Variants in AP3S2 observed in about 807,000 individuals in gnomAD.
AP3S2 encodes adaptor related protein complex 3 subunit sigma 2, also known as AP-3 complex subunit sigma-2.
In AP3S2, 22 loss-of-function variants were observed where a neutral mutation model predicts 23.4. That is an observed-to-expected ratio of 0.94 (90% CI 0.67 to 1.34). AP3S2 has a LOEUF of 1.34. AP3S2 is among the 40% of genes most tolerant of loss of function. AP3S2 has a pLI of 0.00. For missense variants in AP3S2, 241 were observed against 236.9 expected, an observed-to-expected ratio of 1.02 and a Z score of -0.11; for synonymous variants, 86 against 87.1, an observed-to-expected ratio of 0.99 and a Z score of 0.07.
intron 3 of AP3S2, among the ~76,000 whole-genome samples, chr15:89,875,683 T>G (rs1238899974): frequency 6.6e-6 from 1 of 152,228 alleles, no homozygotes; most frequent in African/African-American, 2.4e-5. Context: ...GCGCAGTGAC[T>G]CACGTCTGTA....
In AP3S2 at chr15:89,833,260, A is replaced by C. The variant is rs1895119109; in HGVS notation, c.*2255T>G. 6.6e-6 allele frequency: 1 copy of C among 152,360 alleles called. No individual in the cohort carries two copies. Among genetic ancestry groups the C allele is most frequent in the South Asian group, 2.1e-4 (1 of 4,828 alleles). 9.4% of individuals were successfully genotyped at this position (152,360 alleles called of 1,614,324 possible). A position where few individuals can be genotyped will look rare whatever the true frequency, so the allele number is the denominator to read the frequency against. On this transcript the variant is annotated 3_prime_UTR_variant, in exon 6 of 6. Coordinates refer to ENST00000336418, the MANE Select transcript of AP3S2 (RefSeq NM_005829.5). ...GGCTCTTATACTCTATGACATGATC[A>C]CTGGCCACCTTAGAAAATCAAGCCT...
intron 4 of AP3S2, among the ~76,000 whole-genome samples, chr15:89,847,467 T>C (rs1596191583): frequency 6.6e-6 from 1 of 151,886 alleles, no homozygotes. Context: ...AATAAAAGTG[T>C]TTCTTCAAGG....
chr15:89,847,922 GAACA>G (rs1329028491), intron 4 of AP3S2, among the ~76,000 whole-genome samples: 1 of 152,188 alleles, frequency 6.6e-6, no homozygotes, highest in Non-Finnish European at 1.5e-5. Context: ...CACCTAATAT[GAACA>G]ATACTGTTTC....
rs565242834 is a variant in AP3S2, at chr15:89,878,664, A to G, written c.274-7118T>C. On this transcript the variant is annotated intron_variant, in intron 3 of 5. Coordinates refer to ENST00000336418, the MANE Select transcript of AP3S2 (RefSeq NM_005829.5). Reference sequence around the variant, plus strand: ...CAGCCCTGATCTCCTGGGCTCAAGCAATCCTTCAACCTCAGCCTCCCAAGT... The same window carrying G: ...CAGCCCTGATCTCCTGGGCTCAAGCGATCCTTCAACCTCAGCCTCCCAAGT... Among the ~76,000 whole-genome samples the G allele has an allele frequency of 2.1e-3, 314 of 152,164 alleles. 1 individual carries two copies. The highest frequency in any genetic ancestry group is 7.2e-3 in the African/African-American group (298 of 41,504).
chr15:89,891,563 G>A (rs1896821322), intron 1 of AP3S2, among the ~76,000 whole-genome samples: 2 of 151,806 alleles, frequency 1.3e-5, no homozygotes, highest in African/African-American at 4.8e-5. Flanking sequence ...GGAGACTGAG[G>A]CAGGAGAATC....
intron 4 of AP3S2, among the ~76,000 whole-genome samples, chr15:89,845,089 T>C (rs1015662575): frequency 1.3e-5 from 2 of 152,026 alleles, no homozygotes; most frequent in Non-Finnish European, 2.9e-5. Flanking sequence ...GTATTTTTAG[T>C]AGAGACGAGG....
chr15:89,880,783 A>G (rs989164716), intron 3 of AP3S2, among the ~76,000 whole-genome samples: 6 of 152,250 alleles, frequency 3.9e-5, no homozygotes, highest in African/African-American at 1.2e-4. Flanking sequence ...GGTAAAAACT[A>G]AATCCAATTA....
intron 4 of AP3S2, among the ~76,000 whole-genome samples, chr15:89,845,013 C>T (rs1895451728): frequency 6.6e-6 from 1 of 152,056 alleles, no homozygotes; most frequent in Non-Finnish European, 1.5e-5. Context: ...TCAAGCGATT[C>T]TCTTGCCTCA....
At chr15:89,868,984 C>G (rs1211934561) in intron 4 of AP3S2, among the ~76,000 whole-genome samples, 1 of 139,398 alleles carries the variant, frequency 7.2e-6, no homozygotes, top group African/African-American at 2.7e-5. Flanking sequence ...CCGCCCCGTC[C>G]GGGAGGTGAG....
At chr15:89,870,353 G>A (rs1896289550) in intron 4 of AP3S2, among the ~76,000 whole-genome samples, 1 of 152,150 alleles carries the variant, frequency 6.6e-6, no homozygotes, top group South Asian at 2.1e-4. Context: ...AGTAAATACT[G>A]GAAGCCCCGT....
At chr15:89,893,767 G>T in intron 1 of AP3S2, 114 bp downstream of exon 1, 1 of 1,049,524 alleles carries the variant, frequency 9.5e-7, no homozygotes, top group Non-Finnish European at 1.4e-6. Context: ...GTCATGCTCG[G>T]TGCAGGAGCC....
intron 4 of AP3S2, among the ~76,000 whole-genome samples, chr15:89,868,728 T>C (rs1896231502): frequency 8.8e-6 from 1 of 114,076 alleles, no homozygotes; most frequent in African/African-American, 3.6e-5. Context: ...AGCCGCCCCG[T>C]CTGGGAGGTG....
intron 3 of AP3S2, chr15:89,877,492 C>T: frequency 1.2e-6 from 1 of 828,808 alleles, no homozygotes; most frequent in Admixed American, 2.3e-5. Context: ...AATTCAGTAG[C>T]ATTCGATAAC....
chr15:89,888,593 G>C lies in AP3S2; in HGVS notation c.201C>G (p.His67Gln), dbSNP rs1196961168. ...GGSDYKLIYRHYATLYFVFCV... is the reference protein window; with the variant it reads ...GGSDYKLIYRQYATLYFVFCV... ...AAAATACAAAGTAGAGGGTAGCATA[G>C]TGCCGGTAGATCAGTTTGTAGTCAG... The change falls in exon 3 of 6, where the codon CAC (histidine) becomes CAG (glutamine). Residue 67 changes from histidine to glutamine, a missense_variant. His to Gln is a conservative substitution (Grantham distance 24). Transcript: ENST00000336418. The C allele has an allele frequency of 1.9e-6, 3 of 1,614,204 alleles. No homozygotes were observed. The highest frequency in any genetic ancestry group is 3.3e-5 in the Admixed American group (2 of 60,018).
intron 3 of AP3S2, among the ~76,000 whole-genome samples, chr15:89,877,648 A>G (rs1896474762): frequency 3.3e-5 from 5 of 152,110 alleles, no homozygotes; most frequent in Admixed American, 1.3e-4. Context: ...CAGGAGTTTA[A>G]GACCAGCCTG....
At chr15:89,855,528 G>A (rs200005735) in intron 4 of AP3S2, among the ~76,000 whole-genome samples, 275 of 110,332 alleles carry the variant, frequency 2.5e-3, no homozygotes, top group African/African-American at 8.4e-3. Flanking sequence ...ATCAATAAAA[G>A]AATAAATTAA....
intron 3 of AP3S2, among the ~76,000 whole-genome samples, chr15:89,875,786 A>C (rs1311670616): frequency 6.6e-6 from 1 of 151,946 alleles, no homozygotes; most frequent in African/African-American, 2.4e-5. Flanking sequence ...CTGTCTCTAT[A>C]AAAAACACAA....
At chr15:89,887,199 A>G (rs1334416110) in intron 3 of AP3S2, among the ~76,000 whole-genome samples, 1 of 152,164 alleles carries the variant, frequency 6.6e-6, no homozygotes, top group Non-Finnish European at 1.5e-5. Flanking sequence ...AGATGGGTTC[A>G]TCTTTATTTA....
chr15:89,840,647 G>A (rs1357716159), intron 4 of AP3S2, among the ~76,000 whole-genome samples: 4 of 152,052 alleles, frequency 2.6e-5, no homozygotes, highest in African/African-American at 9.7e-5. Flanking sequence ...AGGCTGGTCT[G>A]GAACTCCTGA....
Sources: gnomAD v4.1 joint callset for allele counts (sites outside exome capture counted in the v4.1 genomes callset) on GRCh38, gnomAD v4.1.1 for gene constraint, MANE v1.5 for transcripts, NCBI Gene and HGNC (gene_info 2026-07-23, HGNC 2026-07-21) for gene names.